Variants in KCNN2 observed in about 807,000 individuals in gnomAD.
The protein encoded by KCNN2 is potassium calcium-activated channel subfamily N member 2.
A neutral mutation model predicts 55.5 loss-of-function variants in KCNN2; 24 were observed. The ratio of observed to expected loss-of-function variants is 0.43; its 90% CI spans 0.31 to 0.61. The LOEUF (loss-of-function observed/expected upper bound fraction) is 0.61. Among genes scored for constraint, KCNN2 ranks in the 20% least tolerant of loss-of-function variants. The probability of loss-of-function intolerance (pLI) is 0.08; values close to 1 mark genes in which losing one functional copy is unlikely to be tolerated. For missense variants in KCNN2, 754 were observed against 853.6 expected, an observed-to-expected ratio of 0.88 and a Z score of 1.45; for synonymous variants, 431 against 336.1, an observed-to-expected ratio of 1.28 and a Z score of -3.09.
intron 4 of KCNN2, among the ~76,000 whole-genome samples, chr5:114,471,161 A>G (rs1761716086): frequency 6.6e-6 from 1 of 152,150 alleles, no homozygotes; most frequent in Non-Finnish European, 1.5e-5. Flanking sequence ...CACAAATAAG[A>G]ATATACAGTC....
At chr5:114,257,052 G>T (rs1297085283) in intron 2 of KCNN2, among the ~76,000 whole-genome samples, 2 of 142,162 alleles carry the variant, frequency 1.4e-5, no homozygotes, top group Non-Finnish European at 3.0e-5. Flanking sequence ...GTGAGATAGA[G>T]GTCCACTTTC....
intron 2 of KCNN2, among the ~76,000 whole-genome samples, chr5:114,325,432 G>A (rs1170704170): frequency 6.6e-6 from 1 of 152,204 alleles, no homozygotes; most frequent in Non-Finnish European, 1.5e-5. Context: ...AAAAAGCTGA[G>A]AGTGTGGCTG....
intron 1 of KCNN2, among the ~76,000 whole-genome samples, chr5:114,073,544 C>A (rs192027407): frequency 2.0e-5 from 3 of 152,222 alleles, no homozygotes; most frequent in Admixed American, 2.0e-4. Context: ...GTTCTTCAGG[C>A]CTGAATGATG....
chr5:114,282,086 A>G (rs1179049903), intron 2 of KCNN2, among the ~76,000 whole-genome samples: 3 of 152,126 alleles, frequency 2.0e-5, no homozygotes, highest in East Asian at 1.9e-4. Context: ...ATATATCCAT[A>G]TTTTGGCCCT....
At chr5:114,376,337 G>A (rs1757945347) in intron 2 of KCNN2, among the ~76,000 whole-genome samples, 1 of 152,182 alleles carries the variant, frequency 6.6e-6, no homozygotes. Context: ...AACACTCAGT[G>A]GGCCTGCATC....
At chr5:114,450,959 A>T (rs1760647564) in intron 3 of KCNN2, among the ~76,000 whole-genome samples, 1 of 152,224 alleles carries the variant, frequency 6.6e-6, no homozygotes, top group Admixed American at 6.5e-5. Flanking sequence ...AGTAATCAAC[A>T]TTTAATTTTC....
chr5:114,128,206 C>T (rs1310868161), intron 1 of KCNN2, among the ~76,000 whole-genome samples: 16 of 152,230 alleles, frequency 1.1e-4, no homozygotes, highest in Admixed American at 8.5e-4. Context: ...TAAAGACATA[C>T]TCAGGACTGG....
At chr5:114,491,819 C>T (rs1747872464) in intron 6 of KCNN2, among the ~76,000 whole-genome samples, 1 of 152,004 alleles carries the variant, frequency 6.6e-6, no homozygotes, top group Non-Finnish European at 1.5e-5. Flanking sequence ...TAGTACACTT[C>T]TGCGTAATGA....
rs1257547166 is a variant in KCNN2, at chr5:114,362,186, C to A, written c.47C>A (p.Pro16Gln). 5 of 165,580 alleles carry A rather than the reference C, an allele frequency of 3.0e-5. No homozygotes were observed. The highest frequency in any genetic ancestry group is 1.6e-4 in the South Asian group (1 of 6,338). 10.3% of individuals were successfully genotyped at this position (165,580 alleles called of 1,614,324 possible). ...CAGCGCGGCTTCTTCCCAGAGCAGC[C>A]GCCGCCGCCGCCGCGCTCCTCACAC... ...QFQRGFFPEQ[P>Q]PPPPRSSHLH... The change falls in exon 1 of 8, where the codon CCG becomes CAG. Residue 16 changes from proline (P) to glutamine (Q), a missense_variant. Coordinates refer to ENST00000673685, the MANE Select transcript of KCNN2 (RefSeq NM_021614.4).
intron 5 of KCNN2, among the ~76,000 whole-genome samples, chr5:114,479,753 A>C (rs1179564097): frequency 1.3e-5 from 2 of 152,222 alleles, no homozygotes; most frequent in Non-Finnish European, 2.9e-5. Context: ...AACTACATGG[A>C]AATTGAACAG....
intron 1 of KCNN2, among the ~76,000 whole-genome samples, chr5:114,072,594 CA>C (rs1312288017): frequency 6.6e-6 from 1 of 152,076 alleles, no homozygotes; most frequent in Non-Finnish European, 1.5e-5. Context: ...AATTTCTGTC[CA>C]TTATAAATTA....
rs1369027664 is a variant in KCNN2, at chr5:114,177,141, G to T, written c.-270-44339G>T. Among the ~76,000 whole-genome samples the T allele has an allele frequency of 4.9e-5, 7 of 143,600 alleles. No individual in the cohort carries two copies. In the East Asian group the frequency reaches 1.0e-3, roughly 21 times the overall value. 94.2% of individuals were successfully genotyped at this position (143,600 alleles called of 152,430 possible). Reference sequence around the variant, plus strand: ...TAACAGCAACATTGCTAATATGCTGGTTTTTTTTTTTTTTGAAACGGAGTC... The same window carrying T: ...TAACAGCAACATTGCTAATATGCTGTTTTTTTTTTTTTTTGAAACGGAGTC... On this transcript the variant is annotated intron_variant, in intron 1 of 10. Coordinates refer to the KCNN2 transcript ENST00000512097.
At chr5:114,204,960 A>G (rs1457320942) in intron 1 of KCNN2, among the ~76,000 whole-genome samples, 5 of 152,258 alleles carry the variant, frequency 3.3e-5, no homozygotes, top group Non-Finnish European at 7.3e-5. Context: ...AATATGCTGA[A>G]TATGTGAATA....
At chr5:114,185,596 A>G (rs1268164406) in intron 1 of KCNN2, among the ~76,000 whole-genome samples, 1 of 152,148 alleles carries the variant, frequency 6.6e-6, no homozygotes, top group Non-Finnish European at 1.5e-5. Flanking sequence ...TTCTCACCCA[A>G]TAAAACCCTG....
At chr5:114,179,335 C>T (rs1753193885) in intron 1 of KCNN2, among the ~76,000 whole-genome samples, 1 of 152,164 alleles carries the variant, frequency 6.6e-6, no homozygotes, top group Admixed American at 6.5e-5. Flanking sequence ...GGCTTCAGTT[C>T]CTTTCCACAT....
intron 5 of KCNN2, 66 bp from the exon 6 acceptor site, chr5:114,486,984 C>G (rs756980841): frequency 1.7e-5 from 27 of 1,573,272 alleles, no homozygotes; most frequent in Non-Finnish European, 2.3e-5. Context: ...AGACTATGAC[C>G]CCCAGCAAAG....
chr5:114,435,052 T>C (rs985418316), intron 3 of KCNN2, among the ~76,000 whole-genome samples: 6 of 152,284 alleles, frequency 3.9e-5, no homozygotes, highest in Middle Eastern at 3.4e-3. Context: ...TAAGATCCTA[T>C]TGGAGCTCCT....
At chr5:114,417,426 T>C (rs974430220) in intron 3 of KCNN2, among the ~76,000 whole-genome samples, 8 of 152,238 alleles carry the variant, frequency 5.3e-5, no homozygotes, top group Admixed American at 2.0e-4. Flanking sequence ...GAGGTGTCGG[T>C]GTGAAGTGAG....
chr5:114,134,185 C>T (rs1561489326), intron 1 of KCNN2, among the ~76,000 whole-genome samples: 1 of 151,502 alleles, frequency 6.6e-6, no homozygotes, highest in Admixed American at 6.6e-5. Flanking sequence ...TCCCCTCTTT[C>T]TCCAGGCTAG....
Sources: allele counts gnomAD v4.1 joint callset (sites outside exome capture counted in the v4.1 genomes callset), GRCh38; gene constraint gnomAD v4.1.1; transcripts MANE v1.5; gene names NCBI Gene and HGNC (gene_info 2026-07-23, HGNC 2026-07-21).